The following PRKG1 variants were observed in gnomAD, a reference collection of about 807,000 sequenced individuals.
PRKG1 encodes cGMP-dependent protein kinase 1.
In PRKG1, 35 loss-of-function variants were observed where a neutral mutation model predicts 88.1. The ratio of observed to expected loss-of-function variants is 0.40; its 90% CI spans 0.30 to 0.53. The LOEUF (loss-of-function observed/expected upper bound fraction) is 0.53, where lower values mean the gene tolerates loss of function less well. Ranked by LOEUF, PRKG1 falls within the 20% of genes least tolerant of loss-of-function variation. The pLI, the probability that PRKG1 is intolerant of heterozygous loss-of-function variation, is 0.59. For missense variants in PRKG1, 540 were observed against 839.8 expected, an observed-to-expected ratio of 0.64 and a Z score of 4.41; for synonymous variants, 303 against 292.5, an observed-to-expected ratio of 1.04 and a Z score of -0.37.
intron 3 of PRKG1, among the ~76,000 whole-genome samples, chr10:51,487,175 A>G (rs1840571477): frequency 6.6e-6 from 1 of 152,196 alleles, no homozygotes; most frequent in African/African-American, 2.4e-5. Flanking sequence ...AGAAAATCTT[A>G]TAATATTGAG....
chr10:51,767,580 C>T (rs951305639), intron 3 of PRKG1, among the ~76,000 whole-genome samples: 8 of 152,144 alleles, frequency 5.3e-5, no homozygotes, highest in Non-Finnish European at 1.0e-4. Flanking sequence ...CTGCTGCTCA[C>T]TAGCTTTGTG....
At chr10:51,838,652 G>A (rs548937201) in intron 4 of PRKG1, among the ~76,000 whole-genome samples, 70 of 152,002 alleles carry the variant, frequency 4.6e-4, no homozygotes, top group Middle Eastern at 3.2e-3. Flanking sequence ...TGTTCTTTTT[G>A]TCTTTAGTAA....
intron 5 of PRKG1, among the ~76,000 whole-genome samples, chr10:52,004,487 C>G (rs1844680328): frequency 6.6e-6 from 1 of 152,162 alleles, no homozygotes; most frequent in South Asian, 2.1e-4. Context: ...AATCTATCCT[C>G]CCAGAGCCCA....
rs1837337971 is a variant in PRKG1, at chr10:52,134,052, C to T, written c.1001+147C>T. ...TGAATTCTGTATTTGTTTCTCATTC[C>T]CTATTCTTAAAAGTGGCTGGCTCTG... On this transcript the variant is annotated intron_variant, in intron 8 of 17. Transcript: ENST00000373980. 6 of 692,194 alleles carry T rather than the reference C, an allele frequency of 8.7e-6. No individual in the cohort carries two copies. In the East Asian group the frequency reaches 1.8e-4, roughly 20 times the overall value. 42.9% of individuals were successfully genotyped at this position (692,194 alleles called of 1,614,324 possible).
intron 9 of PRKG1, among the ~76,000 whole-genome samples, chr10:52,172,941 A>G (rs1838749221): frequency 6.6e-6 from 1 of 152,256 alleles, no homozygotes; most frequent in Non-Finnish European, 1.5e-5. Flanking sequence ...AACTGTAAAA[A>G]TAGCAATCTT....
chr10:51,251,554 T>C (rs895115460), intron 2 of PRKG1, among the ~76,000 whole-genome samples: 4 of 151,758 alleles, frequency 2.6e-5, no homozygotes, highest in African/African-American at 9.7e-5. Context: ...AGTGATCAAA[T>C]GGTAATTGAA....
chr10:51,816,537 ATGTGTG>A (rs35430934), intron 4 of PRKG1, among the ~76,000 whole-genome samples: 4 of 145,934 alleles, frequency 2.7e-5, no homozygotes, highest in Admixed American at 6.9e-5. Context: ...TAATTTTGGC[ATGTGTG>A]TGTGTGTGTG....
intron 9 of PRKG1, among the ~76,000 whole-genome samples, chr10:52,215,577 A>C (rs1340309825): frequency 6.6e-6 from 1 of 152,174 alleles, no homozygotes; most frequent in Non-Finnish European, 1.5e-5. Context: ...CCCCATGGGA[A>C]GATGTCTGAA....
chr10:51,739,248 G>T (rs1207779279), intron 3 of PRKG1, among the ~76,000 whole-genome samples: 2 of 151,720 alleles, frequency 1.3e-5, no homozygotes, highest in African/African-American at 4.8e-5. Flanking sequence ...ATATTCATTT[G>T]GTAAATAGGC....
chr10:52,083,055 G>A (rs1057141427), intron 7 of PRKG1, among the ~76,000 whole-genome samples: 4 of 152,050 alleles, frequency 2.6e-5, no homozygotes, highest in African/African-American at 9.7e-5. Flanking sequence ...GGATATGGAA[G>A]AAAAGATTGG....
intron 3 of PRKG1, among the ~76,000 whole-genome samples, chr10:51,673,689 T>C (rs1337552020): frequency 6.6e-6 from 1 of 152,370 alleles, no homozygotes; most frequent in Admixed American, 6.5e-5. Flanking sequence ...TGGGATATTG[T>C]ATCTTTCAGT....
Position 51,317,155 on chromosome 10 carries a change from T to C in PRKG1, c.479-150568T>C, listed in dbSNP as rs571233458. On this transcript the variant is annotated intron_variant, in intron 2 of 17. Coordinates refer to ENST00000373980, the MANE Select transcript of PRKG1 (RefSeq NM_006258.4). ...GAAATTCTGCTAGCCAACTGCACTT[T>C]AGATTCAGATTCAATTTATACTTTT... 2.0e-5 allele frequency among the ~76,000 whole-genome samples: 3 copies of C among 152,354 alleles called. No individual in the cohort carries two copies. The South Asian group carries it at 6.2e-4, about 32-fold the overall frequency.
chr10:51,181,803 C>T (rs1226475224), intron 2 of PRKG1, among the ~76,000 whole-genome samples: 1 of 152,298 alleles, frequency 6.6e-6, no homozygotes, highest in East Asian at 1.9e-4. Context: ...AAGGAGAATT[C>T]GACACAGGTC....
At chr10:52,280,974 T>A in intron 13 of PRKG1, 44 bp downstream of exon 13, 2 of 1,571,718 alleles carry the variant, frequency 1.3e-6, no homozygotes, top group Non-Finnish European at 1.7e-6. Flanking sequence ...AGATTAAAAA[T>A]ATTTGTTTAT....
At chr10:52,260,278 T>C (rs932149620) in intron 10 of PRKG1, among the ~76,000 whole-genome samples, 3 of 152,170 alleles carry the variant, frequency 2.0e-5, no homozygotes, top group Non-Finnish European at 4.4e-5. Context: ...TAGCATGTAA[T>C]AAGACATTAA....
chr10:51,431,859 T>C (rs1838779484), intron 2 of PRKG1, among the ~76,000 whole-genome samples: 2 of 152,164 alleles, frequency 1.3e-5, no homozygotes, highest in African/African-American at 4.8e-5. Flanking sequence ...TTTCTCTTTT[T>C]TTCTGGAAGA....
At chr10:51,206,992 T>C (rs1838079373) in intron 2 of PRKG1, among the ~76,000 whole-genome samples, 1 of 152,212 alleles carries the variant, frequency 6.6e-6, no homozygotes, top group African/African-American at 2.4e-5. Flanking sequence ...TTTTTTAAAT[T>C]GTAGTTTGCA....
At chr10:52,125,566 G>A (rs184220591) in intron 7 of PRKG1, among the ~76,000 whole-genome samples, 28 of 152,196 alleles carry the variant, frequency 1.8e-4, no homozygotes, top group African/African-American at 6.0e-4. Flanking sequence ...TATGGAACCC[G>A]ATTGCCCTCA....
chr10:51,635,504 G>A (rs1228020415), intron 3 of PRKG1, among the ~76,000 whole-genome samples: 1 of 151,926 alleles, frequency 6.6e-6, no homozygotes, highest in African/African-American at 2.4e-5. Flanking sequence ...AATGCCCGTG[G>A]CCAAAACTCA....
Sources: gnomAD v4.1 joint callset for allele counts (sites outside exome capture counted in the v4.1 genomes callset) on GRCh38, gnomAD v4.1.1 for gene constraint, MANE v1.5 for transcripts, NCBI Gene and HGNC (gene_info 2026-07-23, HGNC 2026-07-21) for gene names.